TP53INP1: variants seen among roughly 807,000 people sequenced by gnomAD.
The protein encoded by TP53INP1 is tumor protein p53-inducible nuclear protein 1.
Under a neutral mutation model 21.0 loss-of-function variants are expected in TP53INP1, and 12 were observed. That is an observed-to-expected ratio of 0.57 (90% CI 0.37 to 0.93). The LOEUF (loss-of-function observed/expected upper bound fraction) is 0.93, where lower values mean the gene tolerates loss of function less well. Ranked by LOEUF, TP53INP1 falls within the 40% of genes least tolerant of loss-of-function variation. TP53INP1 has a pLI of 0.01. For missense variants in TP53INP1, 274 were observed against 294.7 expected (o/e 0.93, Z 0.51); for synonymous variants, 91 against 94.8 (o/e 0.96, Z 0.23).
intron 3 of TP53INP1, chr8:94,932,063 T>C: frequency 6.2e-7 from 1 of 1,609,084 alleles, no homozygotes; most frequent in Non-Finnish European, 8.5e-7. Context: ...AAAGTGAATA[T>C]ACTTACTCTG....
intron 3 of TP53INP1, chr8:94,931,957 G>A: frequency 9.8e-7 from 1 of 1,021,566 alleles, no homozygotes; most frequent in South Asian, 1.5e-5. Flanking sequence ...GAGTGACAGA[G>A]TGAGACTCCA....
chr8:94,932,760 G>A (rs544479993), intron 3 of TP53INP1, among the ~76,000 whole-genome samples: 2 of 152,050 alleles, frequency 1.3e-5, no homozygotes, highest in East Asian at 1.9e-4. Flanking sequence ...CCGAGATAGC[G>A]CCACTGCACT....
intron 3 of TP53INP1, among the ~76,000 whole-genome samples, chr8:94,931,774 C>A (rs1392876631): frequency 6.6e-6 from 1 of 152,042 alleles, no homozygotes; most frequent in Non-Finnish European, 1.5e-5. Flanking sequence ...GAGTTCAAGA[C>A]CAGCCTGGCC....
chr8:94,941,131 A>G (rs1821488111), intron 1 of TP53INP1, 40 bp from the exon 2 acceptor site: 1 of 578,106 alleles, frequency 1.7e-6, no homozygotes, highest in Non-Finnish European at 3.1e-6. Flanking sequence ...TCAAATCAGC[A>G]TGCACATATA....
intron 3 of TP53INP1, among the ~76,000 whole-genome samples, chr8:94,935,234 A>G (rs1320847500): frequency 6.6e-6 from 1 of 152,214 alleles, no homozygotes; most frequent in Non-Finnish European, 1.5e-5. Context: ...CAATAGGGAT[A>G]TTCTGAACTG....
intron 3 of TP53INP1, chr8:94,932,071 CTG>C (rs759754798): frequency 3.1e-6 from 5 of 1,609,966 alleles, no homozygotes; most frequent in Non-Finnish European, 4.2e-6. Context: ...TATACTTACT[CTG>C]TGCCCGTGAG....
In TP53INP1 at chr8:94,930,269, G is replaced by C. The variant is rs1820260243; in HGVS notation, c.*210C>G. The C allele has an allele frequency of 1.7e-6, 1 of 595,654 alleles. No homozygotes were observed. Among genetic ancestry groups the C allele is most frequent in the Non-Finnish European group, 2.8e-6 (1 of 355,886 alleles). 36.9% of individuals were successfully genotyped at this position (595,654 alleles called of 1,614,324 possible). On this transcript the variant is annotated 3_prime_UTR_variant, in exon 4 of 4. Transcript: ENST00000342697. ...ATGTTTCCAGAAATAATCTGAAAAAGTGTACAAAAAAAGTAAATGTTAAAG... is the reference window on the plus strand; with the variant it reads ...ATGTTTCCAGAAATAATCTGAAAAACTGTACAAAAAAAGTAAATGTTAAAG...
chr8:94,937,727 A>C (rs1194695539), intron 3 of TP53INP1, among the ~76,000 whole-genome samples: 1 of 152,186 alleles, frequency 6.6e-6, no homozygotes, highest in Non-Finnish European at 1.5e-5. Context: ...CTGAGCAAGA[A>C]GCTGTAACTA....
chr8:94,943,472 G>C (rs1821733317), intron 1 of TP53INP1, among the ~76,000 whole-genome samples: 1 of 152,176 alleles, frequency 6.6e-6, no homozygotes, highest in Admixed American at 6.5e-5. Flanking sequence ...GAGTGACACA[G>C]CGAGACCTTG....
intron 1 of TP53INP1, among the ~76,000 whole-genome samples, chr8:94,946,694 C>G (rs13281572): frequency 1.8e-4 from 2 of 11,324 alleles, no homozygotes; most frequent in Admixed American, 2.4e-3. Flanking sequence ...AAGACCCTGT[C>G]TCAAAAAAAA....
At chr8:94,935,089 C>CGGTAGGTAGGTA (rs151249970) in intron 3 of TP53INP1, among the ~76,000 whole-genome samples, 6 of 149,834 alleles carry the variant, frequency 4.0e-5, no homozygotes, top group African/African-American at 1.2e-4. Flanking sequence ...AAACAGGAAA[C>CGGTAGGTAGGTA]GGTAGGTAGG....
Position 94,930,032 on chromosome 8 carries a change from C to T in TP53INP1, c.*447G>A, listed in dbSNP as rs1410904854. 3.8e-5 allele frequency: 6 copies of T among 157,226 alleles called. No homozygotes were observed. The highest frequency in any genetic ancestry group is 8.5e-5 in the Non-Finnish European group (6 of 70,968). The allele number at this position is 157,226 out of a possible 1,614,324, so 9.7% of individuals were successfully genotyped here. ...TGTTAGTGTGTAAAAATGTATTCATCATATACAGAGAGATTATCAAGTACT... is the reference window on the plus strand; with the variant it reads ...TGTTAGTGTGTAAAAATGTATTCATTATATACAGAGAGATTATCAAGTACT... On this transcript the variant is annotated 3_prime_UTR_variant, in exon 4 of 4. Coordinates refer to ENST00000342697, the MANE Select transcript of TP53INP1 (RefSeq NM_033285.4).
chr8:94,932,706 G>A (rs1369787100), intron 3 of TP53INP1, among the ~76,000 whole-genome samples: 3 of 152,202 alleles, frequency 2.0e-5, no homozygotes, highest in African/African-American at 7.2e-5. Flanking sequence ...GGGAGGCTGA[G>A]GCAGGAGAAC....
Position 94,930,472 on chromosome 8 carries a change from GAAACT to G in TP53INP1, c.*2_*6del. The G allele has an allele frequency of 6.2e-7, 1 of 1,613,182 alleles. No homozygotes were observed. The highest frequency in any genetic ancestry group is 8.5e-7 in the Non-Finnish European group (1 of 1,179,142). ...CAAGAGAAACCAACCAACAAAACTT[GAAACT>G]ATTAGTAATTGTACTGACGCGGGCA... is the stretch of plus-strand genomic sequence containing the variant. On this transcript the variant is annotated 3_prime_UTR_variant, in exon 4 of 4. Transcript: ENST00000342697.
chr8:94,940,217 G>A lies in TP53INP1; in HGVS notation c.116C>T (p.Thr39Ile). ...DEWILVDFID[T>I]CTGFSAEEEE... ...TTCTTCTGCTGAGAAACCAGTGCAA[G>A]TATCTAGATCGTAGTCCACATTGCA... is the stretch of plus-strand genomic sequence containing the variant. Residue 39 changes from threonine to isoleucine, a missense_variant, in exon 3 of 4, where the codon ACT becomes ATT. Transcript: ENST00000342697. 6.2e-7 allele frequency: 1 copy of A among 1,606,746 alleles called. No homozygotes were observed. Among genetic ancestry groups the A allele is most frequent in the South Asian group, 1.1e-5 (1 of 89,842 alleles).
At position 94,939,898 on chromosome 8, in the gene TP53INP1, G is replaced by A. The variant is rs146135553; in HGVS notation, c.435C>T (p.Thr145=). ...GGCTATGTAATTCATCAGTCCCACG[G>A]GTGGCCTCACTGAGACCAGGGCAGG... ...HNSCPGLSEA[T]RGTDELHSPS... Residue 145 remains threonine (T), a synonymous_variant, in exon 3 of 4, where the codon ACC becomes ACT. Coordinates refer to ENST00000342697, the MANE Select transcript of TP53INP1 (RefSeq NM_033285.4). 6 of 1,613,934 alleles carry A rather than the reference G, an allele frequency of 3.7e-6. No homozygotes were observed. In the African/African-American group the frequency reaches 8.0e-5, roughly 22 times the overall value.
chr8:94,932,630 C>T (rs1380924802), intron 3 of TP53INP1, among the ~76,000 whole-genome samples: 4 of 151,986 alleles, frequency 2.6e-5, no homozygotes, highest in South Asian at 2.1e-4. Flanking sequence ...AGTGAAACCC[C>T]GTCTCTACTA....
At chr8:94,933,738 C>G (rs908554076) in intron 3 of TP53INP1, among the ~76,000 whole-genome samples, 39 of 146,520 alleles carry the variant, frequency 2.7e-4, no homozygotes, top group African/African-American at 8.8e-4. Context: ...GCACTCCAGC[C>G]TGGGTGACAG....
At chr8:94,945,224 C>T (rs895089957) in intron 1 of TP53INP1, among the ~76,000 whole-genome samples, 1 of 152,098 alleles carries the variant, frequency 6.6e-6, no homozygotes, top group African/African-American at 2.4e-5. Context: ...AAATATAGAT[C>T]AAGTACTTCA....
Sources: allele counts gnomAD v4.1 joint callset (sites outside exome capture counted in the v4.1 genomes callset), GRCh38; gene constraint gnomAD v4.1.1; transcripts MANE v1.5; gene names NCBI Gene and HGNC (gene_info 2026-07-23, HGNC 2026-07-21).